Variants in SNRPA1 observed in about 807,000 individuals in gnomAD.
SNRPA1 encodes the protein small nuclear ribonucleoprotein polypeptide A'.
In SNRPA1, 5 loss-of-function variants were observed where a neutral mutation model predicts 32.3. That is an observed-to-expected ratio of 0.15 (90% CI 0.08 to 0.33). The LOEUF (loss-of-function observed/expected upper bound fraction) is 0.33. Among genes scored for constraint, SNRPA1 ranks in the 10% least tolerant of loss-of-function variants. SNRPA1 has a pLI of 1.00. For synonymous variants in SNRPA1, 111 were observed against 120.1 expected (o/e 0.92, Z 0.50); for missense variants, 198 against 311.1 (o/e 0.64, Z 2.74).
intron 3 of SNRPA1, 45 bp from the exon 4 acceptor site, chr15:101,287,747 A>G (rs200158657): frequency 5.1e-5 from 80 of 1,561,452 alleles, no homozygotes; most frequent in Non-Finnish European, 6.7e-5. Flanking sequence ...ACCACACGCT[A>G]TTTTGAGATT....
intron 1 of SNRPA1, 124 bp downstream of exon 1, chr15:101,294,973 C>T: frequency 1.8e-6 from 1 of 561,838 alleles, no homozygotes; most frequent in Non-Finnish European, 2.9e-6. Flanking sequence ...CCTGCGCAGC[C>T]CGGTCGGAGC....
In SNRPA1 at chr15:101,288,908, C is replaced by T. The variant is rs147921714; in HGVS notation, c.310-1206G>A. 2.4e-3 allele frequency among the ~76,000 whole-genome samples: 371 copies of T among 152,328 alleles called. 1 individual carries two copies. Among genetic ancestry groups the T allele is most frequent in the African/African-American group, 8.5e-3 (352 of 41,574 alleles). The stretch of plus-strand genomic sequence containing the variant: ...TTGGGCCCTCACTCTTAATAGAAAT[C>T]ATGTCCCAACACGGCCCTGCCCTGA... On this transcript the variant is annotated intron_variant, in intron 3 of 8. Coordinates refer to ENST00000254193, the MANE Select transcript of SNRPA1 (RefSeq NM_003090.4).
rs749414098 is a variant in SNRPA1, at chr15:101,285,067, G to A, written c.616-7C>T. On this transcript the variant is annotated splice_region_variant and splice_polypyrimidine_tract_variant and intron_variant, in intron 7 of 8. Coordinates refer to ENST00000254193, the MANE Select transcript of SNRPA1 (RefSeq NM_003090.4). ...AAGCATTTGCTATGGCATTCTGGAG[G>A]ACAGAGGGCAATGGAGATGGATGAT... The A allele has an allele frequency of 1.1e-5, 17 of 1,607,114 alleles. No homozygotes were observed. In the African/African-American group the frequency reaches 1.6e-4, roughly 15 times the overall value.
At chr15:101,286,565 G>A (rs2039456674) in intron 5 of SNRPA1, 4 of 479,466 alleles carry the variant, frequency 8.3e-6, no homozygotes, top group Admixed American at 7.8e-5. Flanking sequence ...CCTAATAAAG[G>A]GAAAAATCAT....
At chr15:101,287,752 G>T (rs768723401) in intron 3 of SNRPA1, 50 bp from the exon 4 acceptor site, 1 of 1,548,158 alleles carries the variant, frequency 6.5e-7, no homozygotes, top group South Asian at 1.1e-5. Flanking sequence ...ACGCTATTTT[G>T]AGATTCTGAA....
chr15:101,291,328 G>C (rs79899271), intron 3 of SNRPA1, among the ~76,000 whole-genome samples: 1 of 152,298 alleles, frequency 6.6e-6, no homozygotes, highest in East Asian at 1.9e-4. Context: ...TTCATCTAAC[G>C]TGAAGAGTAA....
chr15:101,291,511 A>C (rs553947356), intron 3 of SNRPA1, among the ~76,000 whole-genome samples: 1 of 134,058 alleles, frequency 7.5e-6, no homozygotes, highest in Admixed American at 7.8e-5. Context: ...AATTACTGAG[A>C]TAGTTTACTT....
chr15:101,283,582 C>A (rs1447586680), intron 8 of SNRPA1, among the ~76,000 whole-genome samples: 4 of 152,072 alleles, frequency 2.6e-5, no homozygotes, highest in Non-Finnish European at 4.4e-5. Context: ...ACAACAACAA[C>A]AAAATCAGTC....
intron 1 of SNRPA1, chr15:101,294,840 G>A: frequency 2.5e-6 from 1 of 397,684 alleles, no homozygotes; most frequent in Non-Finnish European, 4.5e-6. Flanking sequence ...GGCCCCACGA[G>A]GACGCACCAG....
In SNRPA1 at chr15:101,281,628, G is replaced by A; in HGVS notation, c.*96C>T. 3 of 852,026 alleles carry A rather than the reference G, an allele frequency of 3.5e-6. No individual in the cohort carries two copies. Among genetic ancestry groups the A allele is most frequent in the Admixed American group, 1.9e-5 (1 of 52,968 alleles). The allele number at this position is 852,026 out of a possible 1,614,324, so 52.8% of individuals were successfully genotyped here. A position where few individuals can be genotyped will look rare whatever the true frequency, so the allele number is the denominator to read the frequency against. On this transcript the variant is annotated 3_prime_UTR_variant, in exon 9 of 9. Transcript: ENST00000254193. ...CTTAAGCATTTCAACAATGCTGATA[G>A]ATTCCACTTTGCTAACACAAACAAG...
chr15:101,290,469 T>C (rs1025050803), intron 3 of SNRPA1, among the ~76,000 whole-genome samples: 9 of 152,094 alleles, frequency 5.9e-5, no homozygotes, highest in African/African-American at 2.2e-4. Context: ...TCCTTGAGAA[T>C]CTGAAGGATG....
intron 3 of SNRPA1, 54 bp downstream of exon 3, chr15:101,291,908 A>AC: frequency 9.0e-7 from 1 of 1,111,420 alleles, no homozygotes; most frequent in Admixed American, 1.9e-5. Context: ...TGTAGGAAGC[A>AC]CATAGTACCT....
chr15:101,285,120 G>C lies in SNRPA1; in HGVS notation c.616-60C>G, dbSNP rs2039440843. ...ACTTCAACCAAGTATCAGCTACCCA[G>C]AAAACTAAGTGTCAATCACCTACAG... On this transcript the variant is annotated intron_variant, in intron 7 of 8. Coordinates refer to ENST00000254193, the MANE Select transcript of SNRPA1 (RefSeq NM_003090.4). 4 of 1,204,888 alleles carry C rather than the reference G, an allele frequency of 3.3e-6. No homozygotes were observed. The South Asian group carries it at 3.6e-5, about 11-fold the overall frequency. 74.6% of individuals were successfully genotyped at this position (1,204,888 alleles called of 1,614,324 possible). A position where few individuals can be genotyped will look rare whatever the true frequency, so the allele number is the denominator to read the frequency against.
chr15:101,283,865 G>C (rs28622909), intron 8 of SNRPA1, among the ~76,000 whole-genome samples: 1 of 152,096 alleles, frequency 6.6e-6, no homozygotes, highest in East Asian at 1.9e-4. Flanking sequence ...GCTTGAACCC[G>C]GGAGGCGGAG....
chr15:101,286,330 G>A, intron 5 of SNRPA1, 37 bp from the exon 6 acceptor site: 3 of 1,574,438 alleles, frequency 1.9e-6, no homozygotes, highest in South Asian at 1.1e-5. Flanking sequence ...ATGGAAATAG[G>A]AATACCACAT....
chr15:101,294,162 G>A (rs1191163918), intron 1 of SNRPA1, among the ~76,000 whole-genome samples: 1 of 152,252 alleles, frequency 6.6e-6, no homozygotes, highest in Non-Finnish European at 1.5e-5. Context: ...CCTGAACCGG[G>A]GAGGCGGCGG....
At chr15:101,286,828 A>C (rs910546710) in intron 5 of SNRPA1, 80 bp downstream of exon 5, 32 of 708,276 alleles carry the variant, frequency 4.5e-5, no homozygotes, top group Non-Finnish European at 7.3e-5. Flanking sequence ...TCATTTAGAC[A>C]ATTTTAATAA....
chr15:101,290,930 C>T (rs957812787), intron 3 of SNRPA1, among the ~76,000 whole-genome samples: 4 of 151,886 alleles, frequency 2.6e-5, no homozygotes, highest in Admixed American at 6.6e-5. Context: ...TTAGTAGAGA[C>T]GGGGTTTCAC....
At chr15:101,283,054 TATC>T (rs947972350) in intron 8 of SNRPA1, among the ~76,000 whole-genome samples, 1 of 152,150 alleles carries the variant, frequency 6.6e-6, no homozygotes, top group African/African-American at 2.4e-5. Flanking sequence ...GATATTTAAT[TATC>T]TTTACTGCTG....
Sources: gnomAD v4.1 joint callset for allele counts (sites outside exome capture counted in the v4.1 genomes callset) on GRCh38, gnomAD v4.1.1 for gene constraint, MANE v1.5 for transcripts, NCBI Gene and HGNC (gene_info 2026-07-23, HGNC 2026-07-21) for gene names.